The following PCDHA2 variants were observed in gnomAD, a reference collection of about 807,000 sequenced individuals.
PCDHA2 encodes the protein protocadherin alpha-2.
A neutral mutation model predicts 66.0 loss-of-function variants in PCDHA2; 58 were observed. The ratio of observed to expected loss-of-function variants is 0.88; its 90% CI spans 0.71 to 1.09. PCDHA2 has a LOEUF of 1.09. Among genes scored for constraint, PCDHA2 ranks in the 50% least tolerant of loss-of-function variants. The pLI, the probability that PCDHA2 is intolerant of heterozygous loss-of-function variation, is 0.00. For missense variants in PCDHA2, 1,267 were observed against 1,242.3 expected, an observed-to-expected ratio of 1.02 and a Z score of -0.30; for synonymous variants, 634 against 554.0, an observed-to-expected ratio of 1.14 and a Z score of -2.03.
At chr5:140,928,656 T>C in intron 1 of PCDHA2, 1 of 1,614,232 alleles carries the variant, frequency 6.2e-7, no homozygotes, top group Middle Eastern at 1.6e-4. Flanking sequence ...CAGAGGATGC[T>C]GACAGTGGTT....
chr5:140,828,677 T>C (rs2150157851), intron 1 of PCDHA2: 11 of 1,614,216 alleles, frequency 6.8e-6, no homozygotes, highest in Non-Finnish European at 7.6e-6. Context: ...TGGGCTCTTA[T>C]TAAAGAAATC....
At chr5:140,879,190 C>T (rs2057894732) in intron 1 of PCDHA2, among the ~76,000 whole-genome samples, 1 of 152,052 alleles carries the variant, frequency 6.6e-6, no homozygotes. Context: ...GTAATGGAGA[C>T]TTAAATTATG....
intron 1 of PCDHA2, among the ~76,000 whole-genome samples, chr5:140,941,202 CCTTTCTTTCTTCCTTTCTTT>C (rs1442425625): frequency 7.3e-5 from 9 of 122,742 alleles, no homozygotes; most frequent in Non-Finnish European, 1.3e-4. Context: ...TTTCTTTCTT[CCTTTCTTTCTTCCTTTCTTT>C]CTTTCTTTCT....
At chr5:140,884,388 T>C in intron 1 of PCDHA2, 1 of 1,613,960 alleles carries the variant, frequency 6.2e-7, no homozygotes, top group Non-Finnish European at 8.5e-7. Flanking sequence ...ATCTGCGCGG[T>C]GTCCAGCCTG....
chr5:140,967,251 CG>C, intron 1 of PCDHA2: 1 of 1,613,410 alleles, frequency 6.2e-7, no homozygotes, highest in Non-Finnish European at 8.5e-7. Flanking sequence ...GAATCGGTGG[CG>C]CCTGGAGCGC....
At chr5:141,006,415 G>C (rs185861703) in intron 3 of PCDHA2, among the ~76,000 whole-genome samples, 2 of 152,146 alleles carry the variant, frequency 1.3e-5, no homozygotes, top group African/African-American at 2.4e-5. Flanking sequence ...CGGTTTCACT[G>C]TGTTAGCCAG....
At chr5:140,960,267 C>T (rs1182915204) in intron 1 of PCDHA2, among the ~76,000 whole-genome samples, 3 of 152,266 alleles carry the variant, frequency 2.0e-5, no homozygotes, top group South Asian at 2.1e-4. Flanking sequence ...CTGATAAATT[C>T]CGTCACCTTT....
Position 140,836,049 on chromosome 5 carries a change from C to T in PCDHA2, c.2388+38697C>T, listed in dbSNP as rs1223853934. ...CAACGTGACGCTGCAGGTGTTCGTG[C>T]TGGACGAGAACGACAACGCGCCGGC... On this transcript the variant is annotated intron_variant, in intron 1 of 3. Transcript: ENST00000526136. 4 of 1,613,294 alleles carry T rather than the reference C, an allele frequency of 2.5e-6. No homozygotes were observed. The South Asian group carries it at 3.3e-5, about 13-fold the overall frequency.
At chr5:140,951,247 A>G (rs185452142) in intron 1 of PCDHA2, among the ~76,000 whole-genome samples, 1 of 152,230 alleles carries the variant, frequency 6.6e-6, no homozygotes, top group Non-Finnish European at 1.5e-5. Context: ...TTAGGAATGC[A>G]TCACATTTTT....
In PCDHA2 at chr5:140,808,600, C is replaced by T. The variant is rs150900012; in HGVS notation, c.2388+11248C>T. On this transcript the variant is annotated intron_variant, in intron 1 of 3. Transcript: ENST00000526136. ...TCGTGAAGGAGAACAACCCGCCGGGCTGCCACATCTTCACTGTGTCTGCGT... is the reference window on the plus strand; with the variant it reads ...TCGTGAAGGAGAACAACCCGCCGGGTTGCCACATCTTCACTGTGTCTGCGT... The T allele has an allele frequency of 1.4e-4, 230 of 1,613,924 alleles. 1 individual carries two copies. The African/African-American group carries it at 2.6e-3, about 19-fold the overall frequency.
chr5:140,967,212 C>T, intron 1 of PCDHA2: 1 of 1,613,630 alleles, frequency 6.2e-7, no homozygotes, highest in Middle Eastern at 1.6e-4. Flanking sequence ...CCGCGTTTCC[C>T]GCGGCCCAAC....
At chr5:140,823,495 G>C in intron 1 of PCDHA2, 1 of 1,613,338 alleles carries the variant, frequency 6.2e-7, no homozygotes. Flanking sequence ...TGGCACCGGC[G>C]GCGCAGTGAG....
At chr5:140,848,920 T>A (rs1554142573) in intron 1 of PCDHA2, 1 of 1,607,752 alleles carries the variant, frequency 6.2e-7, no homozygotes, top group East Asian at 2.2e-5. Flanking sequence ...AATCTGTTCA[T>A]CGCGGAATCC....
At position 140,829,344 on chromosome 5, in the gene PCDHA2, T is replaced by A. The variant is rs2150166277; in HGVS notation, c.2388+31992T>A. 3.7e-6 allele frequency: 6 copies of A among 1,614,240 alleles called. No homozygotes were observed. The Middle Eastern group carries it at 8.3e-4, about 222-fold the overall frequency. On this transcript the variant is annotated intron_variant, in intron 1 of 3. Coordinates refer to ENST00000526136, the MANE Select transcript of PCDHA2 (RefSeq NM_018905.3). ...GACAGTGCCCTGGACCGCGAGAGCG[T>A]GTCGGCCTATGAGTTGGTGGTAACC...
intron 1 of PCDHA2, chr5:140,856,566 CA>C (rs1554148860): frequency 6.3e-7 from 1 of 1,597,240 alleles, no homozygotes; most frequent in South Asian, 1.1e-5. Flanking sequence ...AAACTCAGTC[CA>C]AATGAGTATT....
chr5:140,889,388 A>C (rs1554183883), intron 1 of PCDHA2, among the ~76,000 whole-genome samples: 1 of 152,070 alleles, frequency 6.6e-6, no homozygotes, highest in African/African-American at 2.4e-5. Context: ...AGGACCATTC[A>C]GAGTTTAATT....
intron 1 of PCDHA2, chr5:140,927,763 G>C (rs1554205034): frequency 6.2e-7 from 1 of 1,614,198 alleles, no homozygotes; most frequent in African/African-American, 1.3e-5. Context: ...CCCTAAAAGT[G>C]GGGAGGTGCA....
At chr5:140,797,484 G>A (rs1016322450) in intron 1 of PCDHA2, 132 bp downstream of exon 1, 2 of 1,023,184 alleles carry the variant, frequency 2.0e-6, no homozygotes, top group Admixed American at 2.5e-5. Flanking sequence ...TTTTGAATAT[G>A]AATTAGAGAT....
intron 3 of PCDHA2, among the ~76,000 whole-genome samples, chr5:140,999,070 T>A (rs930538088): frequency 6.1e-4 from 93 of 152,328 alleles, no homozygotes; most frequent in African/African-American, 2.1e-3. Context: ...GTAGTCTCCT[T>A]CACTTCCTCC....
Sources: gnomAD v4.1 joint callset for allele counts (sites outside exome capture counted in the v4.1 genomes callset) on GRCh38, gnomAD v4.1.1 for gene constraint, MANE v1.5 for transcripts, NCBI Gene and HGNC (gene_info 2026-07-23, HGNC 2026-07-21) for gene names.